CDHR3: variants seen among roughly 807,000 people sequenced by gnomAD.
CDHR3 encodes the protein cadherin-related family member 3.
CDHR3 carries 79 observed loss-of-function variants against 86.6 expected under a neutral mutation model. That is an observed-to-expected ratio of 0.91 (90% CI 0.76 to 1.10). CDHR3 has a LOEUF of 1.10. Ranked by LOEUF, CDHR3 falls within the 50% of genes least tolerant of loss-of-function variation. The pLI is 0.00. For synonymous variants in CDHR3, 421 were observed against 402.4 expected (o/e 1.05, Z -0.55); for missense variants, 1,081 against 1,077.6 (o/e 1.00, Z -0.04).
intron 4 of CDHR3, among the ~76,000 whole-genome samples, chr7:105,991,658 C>A (rs1831380922): frequency 6.6e-6 from 1 of 152,090 alleles, no homozygotes; most frequent in South Asian, 2.1e-4. Context: ...TTTTAAGATT[C>A]TCTAAGGTGG....
At position 106,024,508 on chromosome 7, in the gene CDHR3, C is replaced by G; in HGVS notation, c.2204C>G (p.Ala735Gly). ...GLLVYLVVLLAKAIHRHCPCK... is the reference protein window; with the variant it reads ...GLLVYLVVLLGKAIHRHCPCK... ...CTCGTGTACCTGGTCGTCCTATTGG[C>G]CAAAGCCATCCACAGACACTGCCCC... Residue 735 changes from alanine (A) to glycine (G), a missense_variant, in exon 15 of 19, where the codon GCC becomes GGC. Physicochemically the swap from Ala to Gly is moderately conservative, Grantham distance 60. Coordinates refer to ENST00000317716, the MANE Select transcript of CDHR3 (RefSeq NM_152750.5). 6.2e-7 allele frequency: 1 copy of G among 1,614,052 alleles called. No homozygotes were observed. The highest frequency in any genetic ancestry group is 8.5e-7 in the Non-Finnish European group (1 of 1,179,902).
intron 4 of CDHR3, among the ~76,000 whole-genome samples, chr7:105,993,187 T>C (rs1831627366): frequency 6.6e-6 from 1 of 152,186 alleles, no homozygotes; most frequent in Non-Finnish European, 1.5e-5. Flanking sequence ...CAGGAAATAA[T>C]GAAACCTTCT....
intron 16 of CDHR3, 65 bp downstream of exon 16, chr7:106,026,760 G>A (rs768615321): frequency 1.3e-6 from 2 of 1,549,238 alleles, no homozygotes; most frequent in Non-Finnish European, 1.8e-6. Context: ...TACGTAAAAA[G>A]GTTCCTACTC....
At chr7:106,029,257 A>G (rs1837961303) in intron 17 of CDHR3, among the ~76,000 whole-genome samples, 1 of 152,144 alleles carries the variant, frequency 6.6e-6, no homozygotes, top group South Asian at 2.1e-4. Context: ...CTGGGATTAT[A>G]GGCATGAGCC....
chr7:106,003,110 G>A (rs1833446902), intron 7 of CDHR3, among the ~76,000 whole-genome samples: 1 of 147,358 alleles, frequency 6.8e-6, no homozygotes. Context: ...CTCCAGCCTG[G>A]GTGACAGAGC....
chr7:105,979,153 G>A (rs1829257031), intron 2 of CDHR3, among the ~76,000 whole-genome samples: 1 of 152,140 alleles, frequency 6.6e-6, no homozygotes, highest in Admixed American at 6.5e-5. Context: ...CAAAAAGTAG[G>A]TGTTATTATC....
Position 106,030,985 on chromosome 7 carries a change from G to C in CDHR3, c.2353+145G>C, listed in dbSNP as rs1838242268. ...GCCTATATAGTGCTGACTCTTCTAG[G>C]CTAAATACAACGTGAGATCAGCTGT... On this transcript the variant is annotated intron_variant, in intron 18 of 18. Transcript: ENST00000317716. The surrounding 1 kb of genome is among the most constrained non-coding windows in gnomAD (Gnocchi z 4.8). The C allele has an allele frequency of 1.3e-6, 1 of 758,262 alleles. No homozygotes were observed. The highest frequency in any genetic ancestry group is 2.2e-6 in the Non-Finnish European group (1 of 454,356). 47.0% of individuals were successfully genotyped at this position (758,262 alleles called of 1,614,324 possible).
intron 8 of CDHR3, among the ~76,000 whole-genome samples, chr7:106,009,405 T>C (rs1211718451): frequency 1.3e-5 from 2 of 152,220 alleles, no homozygotes; most frequent in Non-Finnish European, 2.9e-5. Flanking sequence ...CCCAGCCTTA[T>C]ACCTTCTCCA....
intron 3 of CDHR3, among the ~76,000 whole-genome samples, chr7:105,982,463 T>C (rs1339102612): frequency 7.7e-5 from 9 of 116,538 alleles, no homozygotes; most frequent in Admixed American, 6.4e-4. Context: ...AGCGAGACTC[T>C]GTCTCAAAAA....
intron 6 of CDHR3, among the ~76,000 whole-genome samples, chr7:105,999,083 T>A (rs1181884215): frequency 6.6e-6 from 1 of 152,056 alleles, no homozygotes; most frequent in Non-Finnish European, 1.5e-5. Flanking sequence ...GCTCTGGGGG[T>A]CAGGTGTTAC....
chr7:105,978,161 C>G (rs531001069), intron 2 of CDHR3, among the ~76,000 whole-genome samples: 77 of 152,238 alleles, frequency 5.1e-4, no homozygotes, highest in African/African-American at 1.6e-3. Context: ...TGTTCATAGC[C>G]CTCATGCTGC....
rs759288780 is a variant in CDHR3 at position 106,001,497 on chromosome 7, G to A, written c.749G>A (p.Ser250Asn). The A allele has an allele frequency of 1.7e-5, 28 of 1,613,928 alleles. No homozygotes were observed. Among genetic ancestry groups the A allele is most frequent in the Non-Finnish European group, 1.9e-5 (22 of 1,179,912 alleles). ...TRVYTVLEELSPGTIVANITA... is the reference protein window; with the variant it reads ...TRVYTVLEELNPGTIVANITA... Reference sequence around the variant, plus strand: ...GTGTACACAGTCCTGGAGGAACTGAGTCCAGGAACCATCGTGGCCAATATC... The same window carrying A: ...GTGTACACAGTCCTGGAGGAACTGAATCCAGGAACCATCGTGGCCAATATC... The change falls in exon 7 of 19, where the codon AGT (serine) becomes AAT (asparagine). Residue 250 changes from serine (S) to asparagine (N), a missense_variant. Physicochemically the swap from Ser to Asn is conservative, Grantham distance 46. Coordinates refer to ENST00000317716, the MANE Select transcript of CDHR3 (RefSeq NM_152750.5).
chr7:105,977,877 A>G (rs1829066959), intron 2 of CDHR3, among the ~76,000 whole-genome samples: 1 of 152,218 alleles, frequency 6.6e-6, no homozygotes, highest in Admixed American at 6.5e-5. Flanking sequence ...CTGGTGGTGC[A>G]GGGGGTGGTG....
In CDHR3 at chr7:106,017,864, A is replaced by T; in HGVS notation, c.1445A>T (p.Gln482Leu). ...CCTCCAGCCAGAACCCGAGTGGGACAGGTGCGAGCCACTGATAAAGACCTC... is the reference window on the plus strand; with the variant it reads ...CCTCCAGCCAGAACCCGAGTGGGACTGGTGCGAGCCACTGATAAAGACCTC... ...ERRPARTRVG[Q>L]VRATDKDLPQ... The change falls in exon 12 of 19, where the codon CAG becomes CTG. Residue 482 changes from glutamine (Q) to leucine (L), a missense_variant. Transcript: ENST00000317716. 1.9e-6 allele frequency: 3 copies of T among 1,585,766 alleles called. No individual in the cohort carries two copies. The highest frequency in any genetic ancestry group is 1.3e-5 in the African/African-American group (1 of 74,138).
chr7:106,028,095 C>G (rs772924953), intron 16 of CDHR3, among the ~76,000 whole-genome samples: 14 of 149,438 alleles, frequency 9.4e-5, no homozygotes, highest in African/African-American at 3.5e-4. Context: ...CTAGCCTGGA[C>G]GACAAGAGTG....
At chr7:106,000,407 C>T (rs1220313537) in intron 6 of CDHR3, among the ~76,000 whole-genome samples, 1 of 152,156 alleles carries the variant, frequency 6.6e-6, no homozygotes, top group African/African-American at 2.4e-5. Context: ...TTCCTCTGGC[C>T]CTACCTACCT....
intron 15 of CDHR3, among the ~76,000 whole-genome samples, chr7:106,025,469 A>C (rs1025290553): frequency 1.3e-5 from 2 of 152,178 alleles, no homozygotes; most frequent in African/African-American, 4.8e-5. Flanking sequence ...TTAGTACACT[A>C]CCCAGCCAGT....
chr7:106,031,121 C>T (rs1205150361), intron 18 of CDHR3, among the ~76,000 whole-genome samples: 1 of 152,228 alleles, frequency 6.6e-6, no homozygotes, highest in Non-Finnish European at 1.5e-5. Flanking sequence ...TCTTGCCTCC[C>T]TTCCTAAATT....
intron 1 of CDHR3, among the ~76,000 whole-genome samples, chr7:105,972,556 A>G (rs1205859307): frequency 6.6e-6 from 1 of 152,172 alleles, no homozygotes; most frequent in African/African-American, 2.4e-5. Flanking sequence ...AGAGGTATGC[A>G]TTTGCGAGAA....
Sources: allele counts gnomAD v4.1 joint callset (sites outside exome capture counted in the v4.1 genomes callset), GRCh38; gene constraint gnomAD v4.1.1; non-coding constraint Gnocchi (gnomAD v3.1); transcripts MANE v1.5; gene names NCBI Gene and HGNC (gene_info 2026-07-23, HGNC 2026-07-21).